The following AGAP1 variants were observed in gnomAD, a reference collection of about 807,000 sequenced individuals.
AGAP1 encodes the protein arf-GAP with GTPase, ANK repeat and PH domain-containing protein 1.
A neutral mutation model predicts 105.3 loss-of-function variants in AGAP1; 29 were observed. The ratio of observed to expected loss-of-function variants is 0.28; its 90% confidence interval spans 0.21 to 0.38. AGAP1 has a LOEUF of 0.38. Ranked by LOEUF, AGAP1 falls within the 10% of genes least tolerant of loss-of-function variation. The pLI, the probability that AGAP1 is intolerant of heterozygous loss-of-function variation, is 1.00. For missense variants in AGAP1, 998 were observed against 1,165.1 expected, an observed-to-expected ratio of 0.86 and a Z score of 2.09; for synonymous variants, 509 against 485.9, an observed-to-expected ratio of 1.05 and a Z score of -0.63.
In AGAP1 at chr2:235,793,509, A is replaced by G. The variant is rs1957099238; in HGVS notation, c.674-4250A>G. Among the ~76,000 whole-genome samples the G allele has an allele frequency of 6.6e-6, 1 of 152,224 alleles. No individual in the cohort carries two copies. The highest frequency in any genetic ancestry group is 2.4e-5 in the African/African-American group (1 of 41,466). The stretch of plus-strand genomic sequence containing the variant: ...TGTTCGATTGCCACATGGTGGTGTC[A>G]TGAGCAGTCCCAGAGCCGTCGGATT... On this transcript the variant is annotated intron_variant, in intron 6 of 17. Transcript: ENST00000304032. The surrounding 1 kb of genome is among the most constrained non-coding windows in gnomAD (Gnocchi z 5.3).
chr2:236,016,111 A>C (rs1484011663), intron 13 of AGAP1, among the ~76,000 whole-genome samples: 1 of 152,090 alleles, frequency 6.6e-6, no homozygotes, highest in Non-Finnish European at 1.5e-5. Context: ...TTTTTTAATC[A>C]TAATTTTTTT....
chr2:235,579,762 C>T (rs6750706), intron 1 of AGAP1, among the ~76,000 whole-genome samples: 43,627 of 149,940 alleles, frequency 0.29, 6,815 homozygotes, highest in Middle Eastern at 0.45. Context: ...GGCAACAGAG[C>T]GAGACTCCAT....
At chr2:235,515,029 A>G (rs1001520227) in intron 1 of AGAP1, among the ~76,000 whole-genome samples, 2 of 152,222 alleles carry the variant, frequency 1.3e-5, no homozygotes, top group African/African-American at 4.8e-5. Context: ...AGTTGCCATC[A>G]GAATTTAGGG....
At chr2:236,043,252 G>A (rs908542612) in intron 15 of AGAP1, among the ~76,000 whole-genome samples, 1 of 152,200 alleles carries the variant, frequency 6.6e-6, no homozygotes, top group African/African-American at 2.4e-5. Context: ...CTTGACTCCA[G>A]CTGTATACTC....
chr2:235,570,810 T>A (rs1944487677), intron 1 of AGAP1, among the ~76,000 whole-genome samples: 1 of 152,256 alleles, frequency 6.6e-6, no homozygotes, highest in South Asian at 2.1e-4. Flanking sequence ...GGTGTGACAC[T>A]ACGTGTAGGT....
chr2:235,772,830 C>CT (rs779732620), intron 6 of AGAP1, among the ~76,000 whole-genome samples: 96 of 152,232 alleles, frequency 6.3e-4, no homozygotes, highest in Non-Finnish European at 2.9e-4. Context: ...GGGTCTCTCT[C>CT]TGACCTTCAG....
At chr2:235,709,500 CCT>C (rs992417314) in intron 2 of AGAP1, among the ~76,000 whole-genome samples, 1 of 151,378 alleles carries the variant, frequency 6.6e-6, no homozygotes, top group Non-Finnish European at 1.5e-5. Flanking sequence ...CCATCATCAT[CCT>C]CTCTCTCACA....
chr2:235,596,849 G>A lies in AGAP1; in HGVS notation c.163+102000G>A, dbSNP rs1342161628. Reference sequence around the variant, plus strand: ...GGAGGTGGGTCTGTGGGAGGTATCAGGTCATGGGAGTGGACCCCTTGTGGT... The same window carrying A: ...GGAGGTGGGTCTGTGGGAGGTATCAAGTCATGGGAGTGGACCCCTTGTGGT... On this transcript the variant is annotated intron_variant, in intron 1 of 17. Transcript: ENST00000304032. This position sits in a 1 kb window ranked among gnomAD's most constrained non-coding sequence, Gnocchi z 5.9. 2.0e-5 allele frequency among the ~76,000 whole-genome samples: 3 copies of A among 152,104 alleles called. No homozygotes were observed. Among genetic ancestry groups the A allele is most frequent in the Admixed American group, 1.3e-4 (2 of 15,274 alleles).
rs143822586 is a variant in AGAP1, at chr2:235,810,154, C to G, written c.1050+2823C>G. ...CACGACCTGAGACAAAAATATCTTA[C>G]GACTGTATAAAGAAACTTCTGAGAC... On this transcript the variant is annotated intron_variant, in intron 9 of 17. Transcript: ENST00000304032. Among the ~76,000 whole-genome samples the G allele has an allele frequency of 7.2e-5, 11 of 152,078 alleles. No homozygotes were observed. The South Asian group carries it at 1.7e-3, about 23-fold the overall frequency.
rs1249421033 is a variant in AGAP1, at chr2:235,574,060, C to T, written c.163+79211C>T. Among the ~76,000 whole-genome samples the T allele has an allele frequency of 1.3e-5, 2 of 152,246 alleles. No homozygotes were observed. The highest frequency in any genetic ancestry group is 2.9e-5 in the Non-Finnish European group (2 of 68,044). ...TGTTAGCTGGTCAGGGAGGCAGGGC[C>T]TGGGTGCCTTGGGGCCTGTCCTATC... On this transcript the variant is annotated intron_variant, in intron 1 of 17. Coordinates refer to ENST00000304032, the MANE Select transcript of AGAP1 (RefSeq NM_001037131.3). The surrounding 1 kb of genome is among the most constrained non-coding windows in gnomAD (Gnocchi z 5.0).
chr2:235,671,598 C>T (rs2149362406), intron 1 of AGAP1, among the ~76,000 whole-genome samples: 1 of 152,344 alleles, frequency 6.6e-6, no homozygotes, highest in Middle Eastern at 3.4e-3. Context: ...TGTAAGGACA[C>T]CTCACTACAG....
At chr2:235,926,527 C>A (rs902955618) in intron 11 of AGAP1, among the ~76,000 whole-genome samples, 1 of 152,226 alleles carries the variant, frequency 6.6e-6, no homozygotes, top group Non-Finnish European at 1.5e-5. Flanking sequence ...ATCCCAGAAA[C>A]AATATTTCTG....
At chr2:235,542,478 A>T (rs1174877235) in intron 1 of AGAP1, among the ~76,000 whole-genome samples, 3 of 152,216 alleles carry the variant, frequency 2.0e-5, no homozygotes, top group Non-Finnish European at 4.4e-5. Flanking sequence ...CCGAAAAAGA[A>T]AGTCTCATCT....
At chr2:235,643,446 AAAAAAAAAAAAAAAG>A (rs1947267647) in intron 1 of AGAP1, among the ~76,000 whole-genome samples, 1 of 150,840 alleles carries the variant, frequency 6.6e-6, no homozygotes, top group Non-Finnish European at 1.5e-5. Context: ...AAAAAAAAAA[AAAAAAAAAAAAAAAG>A]AAAGAAAGTT....
intron 9 of AGAP1, among the ~76,000 whole-genome samples, chr2:235,857,246 C>T (rs1221716986): frequency 1.3e-5 from 2 of 152,106 alleles, no homozygotes; most frequent in African/African-American, 2.4e-5. Flanking sequence ...CTATTGAGAA[C>T]GGCACATGCA....
At chr2:235,618,421 A>G (rs138211394) in intron 1 of AGAP1, among the ~76,000 whole-genome samples, 37 of 152,192 alleles carry the variant, frequency 2.4e-4, no homozygotes, top group African/African-American at 6.5e-4. Context: ...TGAAGCCCCT[A>G]TCTGTCCAGT....
Position 235,893,928 on chromosome 2 carries a change from T to A in AGAP1, c.1155+10479T>A, listed in dbSNP as rs1384450652. On this transcript the variant is annotated intron_variant, in intron 10 of 17. Coordinates refer to ENST00000304032, the MANE Select transcript of AGAP1 (RefSeq NM_001037131.3). The surrounding 1 kb of genome is among the most constrained non-coding windows in gnomAD (Gnocchi z 4.7). ...TGATTGAGACTAACAGTACTCACCA[T>A]GTCTTACAACATGACCTCCCTAAAC... 6.6e-6 allele frequency among the ~76,000 whole-genome samples: 1 copy of A among 152,202 alleles called. No individual in the cohort carries two copies. The highest frequency in any genetic ancestry group is 1.9e-4 in the East Asian group (1 of 5,192).
chr2:236,048,186 A>T (rs931542518), intron 15 of AGAP1, among the ~76,000 whole-genome samples: 2 of 152,172 alleles, frequency 1.3e-5, no homozygotes, highest in African/African-American at 2.4e-5. Flanking sequence ...ATCAAGGTCA[A>T]CCCTATCTCT....
At position 236,104,533 on chromosome 2, in the gene AGAP1, T is replaced by A. The variant is rs1291948120; in HGVS notation, c.2115-15659T>A. ...AGGGCTGTGAGGGTCAGGACCACCATCAGAATCCCTTACAAAGCCACAGCC... is the reference window on the plus strand; with the variant it reads ...AGGGCTGTGAGGGTCAGGACCACCAACAGAATCCCTTACAAAGCCACAGCC... On this transcript the variant is annotated intron_variant, in intron 16 of 17. Coordinates refer to ENST00000304032, the MANE Select transcript of AGAP1 (RefSeq NM_001037131.3). The surrounding 1 kb of genome is among the most constrained non-coding windows in gnomAD (Gnocchi z 4.7). 6.6e-6 allele frequency among the ~76,000 whole-genome samples: 1 copy of A among 152,216 alleles called. No individual in the cohort carries two copies. Among genetic ancestry groups the A allele is most frequent in the Non-Finnish European group, 1.5e-5 (1 of 68,022 alleles).
Sources: gnomAD v4.1 joint callset for allele counts (sites outside exome capture counted in the v4.1 genomes callset) on GRCh38, gnomAD v4.1.1 for gene constraint, Gnocchi (gnomAD v3.1) non-coding constraint, MANE v1.5 for transcripts, NCBI Gene and HGNC (gene_info 2026-07-23, HGNC 2026-07-21) for gene names.